Variants in TMEM132B observed in about 807,000 individuals in gnomAD.
TMEM132B encodes the protein transmembrane protein 132B.
Under a neutral mutation model 90.8 loss-of-function variants are expected in TMEM132B, and 18 were observed. That is an observed-to-expected ratio of 0.20 (90% CI 0.14 to 0.29). The LOEUF is 0.29. TMEM132B is among the 10% of genes least tolerant of loss of function. The pLI is 1.00. For missense variants in TMEM132B, 1,096 were observed against 1,326.8 expected (o/e 0.83, Z 2.70); for synonymous variants, 504 against 523.3 (o/e 0.96, Z 0.50).
intron 1 of TMEM132B, among the ~76,000 whole-genome samples, chr12:125,297,762 G>A (rs1432623675): frequency 5.3e-5 from 8 of 152,180 alleles, no homozygotes; most frequent in Non-Finnish European, 1.2e-4. Flanking sequence ...GAGGAACAGG[G>A]ACAGGATCTT....
chr12:125,569,955 T>G (rs7302864), intron 4 of TMEM132B, among the ~76,000 whole-genome samples: 144,672 of 152,052 alleles, frequency 0.95, 68,868 homozygotes, highest in African/African-American at 0.98. Flanking sequence ...TGACTTGAAG[T>G]GGGAGGCCAT....
chr12:125,221,549 C>A (rs987408032), intron 1 of TMEM132B, among the ~76,000 whole-genome samples: 1 of 152,162 alleles, frequency 6.6e-6, no homozygotes, highest in Non-Finnish European at 1.5e-5. Context: ...TTCAAACAAC[C>A]ACAGTTTTTC....
chr12:125,654,960 G>C lies in TMEM132B; in HGVS notation c.*250G>C. On this transcript the variant is annotated 3_prime_UTR_variant, in exon 9 of 9. Transcript: ENST00000682704. This position sits in a 1 kb window ranked among gnomAD's most constrained non-coding sequence, Gnocchi z 5.8. Reference sequence around the variant, plus strand: ...AGACAACAGTTTTATGGACTGCCTGGTACGAGCTCAGTGCAAATGTATTAA... The same window carrying C: ...AGACAACAGTTTTATGGACTGCCTGCTACGAGCTCAGTGCAAATGTATTAA... The C allele has an allele frequency of 4.3e-6, 2 of 463,918 alleles. No individual in the cohort carries two copies. The highest frequency in any genetic ancestry group is 7.7e-6 in the Non-Finnish European group (2 of 259,330). 28.7% of individuals were successfully genotyped at this position (463,918 alleles called of 1,614,324 possible).
intron 2 of TMEM132B, among the ~76,000 whole-genome samples, chr12:125,409,391 C>A (rs928352426): frequency 6.6e-6 from 1 of 152,160 alleles, no homozygotes; most frequent in Non-Finnish European, 1.5e-5. Context: ...CTACTGGAAC[C>A]CGAGGAGCCC....
intron 2 of TMEM132B, among the ~76,000 whole-genome samples, chr12:125,395,744 A>G (rs1445845881): frequency 6.6e-6 from 1 of 152,186 alleles, no homozygotes; most frequent in Non-Finnish European, 1.5e-5. Flanking sequence ...GTAATTGAAG[A>G]GTTCGAAGAG....
At chr12:125,256,738 T>G (rs143409897) in intron 1 of TMEM132B, among the ~76,000 whole-genome samples, 73 of 152,290 alleles carry the variant, frequency 4.8e-4, no homozygotes, top group African/African-American at 1.6e-3. Context: ...CCGCAATTAC[T>G]TTTGCACCAA....
At chr12:125,467,506 A>T (rs1881597222) in intron 3 of TMEM132B, among the ~76,000 whole-genome samples, 2 of 152,182 alleles carry the variant, frequency 1.3e-5, no homozygotes, top group Non-Finnish European at 2.9e-5. Context: ...TGGGCAGAGA[A>T]ATGAGATATG....
At chr12:125,202,957 C>G (rs1873098995) in intron 1 of TMEM132B, among the ~76,000 whole-genome samples, 1 of 152,206 alleles carries the variant, frequency 6.6e-6, no homozygotes, top group Non-Finnish European at 1.5e-5. Flanking sequence ...GTTTCTTTCA[C>G]TTGCAACCAG....
intron 3 of TMEM132B, among the ~76,000 whole-genome samples, chr12:125,449,834 A>G (rs554283067): frequency 1.3e-5 from 2 of 152,336 alleles, no homozygotes; most frequent in East Asian, 3.8e-4. Context: ...TAGGGGTGTA[A>G]CAATTCTGAA....
At chr12:125,645,807 C>T (rs985246948) in intron 6 of TMEM132B, among the ~76,000 whole-genome samples, 1 of 152,140 alleles carries the variant, frequency 6.6e-6, no homozygotes. Flanking sequence ...GGTCATTTGT[C>T]ATGCAGCAAT....
At chr12:125,388,365 G>C (rs1878908395) in intron 2 of TMEM132B, among the ~76,000 whole-genome samples, 1 of 152,164 alleles carries the variant, frequency 6.6e-6, no homozygotes, top group Admixed American at 6.5e-5. Context: ...GGAGGCAGAG[G>C]TTGCAGTGAG....
chr12:125,494,868 T>C (rs1484335988), intron 3 of TMEM132B, among the ~76,000 whole-genome samples: 5 of 51,452 alleles, frequency 9.7e-5, no homozygotes, highest in African/African-American at 1.6e-4. Flanking sequence ...ACGCCCCTCC[T>C]CCCCCTCCTC....
At chr12:125,516,741 C>T (rs1035184957) in intron 3 of TMEM132B, among the ~76,000 whole-genome samples, 8 of 152,184 alleles carry the variant, frequency 5.3e-5, no homozygotes, top group African/African-American at 1.9e-4. Flanking sequence ...TGGATCTTCG[C>T]TTCCCTGGCA....
At chr12:125,586,662 C>CT (rs1394054559) in intron 5 of TMEM132B, 1 of 152,244 alleles carries the variant, frequency 6.6e-6, no homozygotes, top group East Asian at 1.9e-4. Context: ...CCACCCACCT[C>CT]TGAGTCATTT....
intron 5 of TMEM132B, among the ~76,000 whole-genome samples, chr12:125,589,457 G>A (rs897800673): frequency 5.7e-5 from 7 of 123,432 alleles, no homozygotes; most frequent in South Asian, 2.6e-4. Context: ...ACCCCAGCCC[G>A]GGTGACAGAG....
intron 1 of TMEM132B, among the ~76,000 whole-genome samples, chr12:125,292,527 A>T (rs912522319): frequency 2.0e-5 from 3 of 152,232 alleles, no homozygotes; most frequent in African/African-American, 7.2e-5. Flanking sequence ...AGTGACAGAA[A>T]CTCAACTCAA....
At chr12:125,569,564 G>A (rs1295911164) in intron 4 of TMEM132B, among the ~76,000 whole-genome samples, 1 of 152,172 alleles carries the variant, frequency 6.6e-6, no homozygotes, top group Non-Finnish European at 1.5e-5. Context: ...TGGGACTTAG[G>A]ATGCAGGGGA....
rs760609476 is a variant in TMEM132B, at chr12:125,652,662, G to A, written c.2106+30G>A. ...GCGTTCCAGGGGCCCTGCGTCCTTG[G>A]TCAGTGGGGATGACTTCTCTCTCAG... is the stretch of plus-strand genomic sequence containing the variant. On this transcript the variant is annotated intron_variant, in intron 8 of 8. Coordinates refer to ENST00000682704, the MANE Select transcript of TMEM132B (RefSeq NM_001366854.1). 4.2e-5 allele frequency: 66 copies of A among 1,588,092 alleles called. No individual in the cohort carries two copies. The Middle Eastern group carries it at 1.5e-3, about 37-fold the overall frequency.
chr12:125,187,851 T>C (rs930263625), intron 1 of TMEM132B, among the ~76,000 whole-genome samples: 1 of 139,556 alleles, frequency 7.2e-6, no homozygotes, highest in Non-Finnish European at 1.5e-5. Flanking sequence ...GCAGCCTTCA[T>C]GTGCTTTTGA....
Sources: allele counts gnomAD v4.1 joint callset (sites outside exome capture counted in the v4.1 genomes callset), GRCh38; gene constraint gnomAD v4.1.1; non-coding constraint Gnocchi (gnomAD v3.1); transcripts MANE v1.5; gene names NCBI Gene and HGNC (gene_info 2026-07-23, HGNC 2026-07-21).